Variants in CYP4X1 observed in about 807,000 individuals in gnomAD.
CYP4X1 encodes cytochrome P450 4X1.
CYP4X1 carries 44 observed loss-of-function variants against 57.9 expected under a neutral mutation model. The observed-to-expected ratio is 0.76, with a 90% CI of 0.60 to 0.98. The LOEUF is 0.98. Among genes scored for constraint, CYP4X1 ranks in the 50% least tolerant of loss-of-function variants. The pLI is 0.00. For missense variants in CYP4X1, 532 were observed against 623.9 expected (o/e 0.85, Z 1.57); for synonymous variants, 227 against 228.6 (o/e 0.99, Z 0.06).
chr1:47,055,291 C>T (rs147832692), downstream of CYP4X1, among the ~76,000 whole-genome samples: 3 of 152,144 alleles, frequency 2.0e-5, no homozygotes, highest in African/African-American at 7.2e-5. Flanking sequence ...GGTGGATAAG[C>T]TTTTTGATAT....
the CYP4X1 span, among the ~76,000 whole-genome samples, chr1:46,998,582 T>G: frequency 6.6e-6 from 1 of 152,180 alleles, no homozygotes; most frequent in African/African-American, 2.4e-5. Context: ...ATCTTTAGTT[T>G]TATTAAGTCC....
At chr1:46,981,561 A>G in the CYP4X1 span, among the ~76,000 whole-genome samples, 12 of 152,320 alleles carry the variant, frequency 7.9e-5, no homozygotes, top group Non-Finnish European at 7.4e-5. Context: ...AACCATTGTG[A>G]AAGACAGTGT....
chr1:47,037,355 T>C (rs1313759871), intron 6 of CYP4X1, among the ~76,000 whole-genome samples: 1 of 146,364 alleles, frequency 6.8e-6, no homozygotes, highest in Non-Finnish European at 1.5e-5. Context: ...CACTACAACC[T>C]CCACCTCCCA....
chr1:46,970,326 C>A, the CYP4X1 span, among the ~76,000 whole-genome samples: 13 of 152,296 alleles, frequency 8.5e-5, no homozygotes, highest in African/African-American at 2.9e-4. Flanking sequence ...GGAGAAGGAG[C>A]AATGACTCCA....
chr1:47,020,050 C>G (rs1441300281), upstream of CYP4X1, among the ~76,000 whole-genome samples: 1 of 152,170 alleles, frequency 6.6e-6, no homozygotes. Flanking sequence ...CTGGGCCTAC[C>G]AAGCTCTCAT....
At chr1:46,979,440 A>G in the CYP4X1 span, among the ~76,000 whole-genome samples, 1 of 152,214 alleles carries the variant, frequency 6.6e-6, no homozygotes, top group East Asian at 1.9e-4. Context: ...AAGTTGAATC[A>G]CTGAATAGAC....
chr1:46,986,144 T>G, the CYP4X1 span, among the ~76,000 whole-genome samples: 2 of 152,210 alleles, frequency 1.3e-5, no homozygotes, highest in Non-Finnish European at 2.9e-5. Context: ...GATGAATTGC[T>G]AACTAGAATA....
the CYP4X1 span, among the ~76,000 whole-genome samples, chr1:46,962,619 T>C: frequency 6.6e-6 from 1 of 152,134 alleles, no homozygotes; most frequent in Non-Finnish European, 1.5e-5. Flanking sequence ...TGAGAGATAG[T>C]TTGTTATAAT....
the CYP4X1 span, among the ~76,000 whole-genome samples, chr1:46,981,063 T>C: frequency 6.6e-6 from 1 of 152,134 alleles, no homozygotes; most frequent in African/African-American, 2.4e-5. Flanking sequence ...ATTCAGAACA[T>C]AGGCACGGGT....
At chr1:46,976,825 C>T in the CYP4X1 span, among the ~76,000 whole-genome samples, 3 of 152,182 alleles carry the variant, frequency 2.0e-5, no homozygotes, top group African/African-American at 7.2e-5. Flanking sequence ...GATACCCAGG[C>T]AAACAGTGTT....
chr1:47,003,664 G>A, the CYP4X1 span, among the ~76,000 whole-genome samples: 1 of 151,956 alleles, frequency 6.6e-6, no homozygotes, highest in African/African-American at 2.4e-5. Context: ...GAGTAGGGTG[G>A]GGAGGTGCCA....
At chr1:47,016,886 T>C in the CYP4X1 span, among the ~76,000 whole-genome samples, 1 of 152,218 alleles carries the variant, frequency 6.6e-6, no homozygotes, top group African/African-American at 2.4e-5. Context: ...GTAATTATCC[T>C]TCTATTCTCT....
chr1:47,019,795 A>G (rs966679339), upstream of CYP4X1, among the ~76,000 whole-genome samples: 6 of 152,234 alleles, frequency 3.9e-5, no homozygotes, highest in Admixed American at 3.9e-4. Flanking sequence ...TCTGTGCCTC[A>G]GTTTTCATAC....
chr1:47,015,366 G>C, the CYP4X1 span, among the ~76,000 whole-genome samples: 5 of 152,136 alleles, frequency 3.3e-5, no homozygotes, highest in Non-Finnish European at 5.9e-5. Context: ...TCTTTTAACA[G>C]CTTGCTCGTC....
upstream of CYP4X1, among the ~76,000 whole-genome samples, chr1:47,022,283 C>CTTTTT (rs11352280): frequency 3.9e-5 from 3 of 77,312 alleles, no homozygotes; most frequent in Non-Finnish European, 7.2e-5. Context: ...TGGGGCCTGT[C>CTTTTT]TTTTTTTTTT....
the CYP4X1 span, among the ~76,000 whole-genome samples, chr1:47,016,664 C>T: frequency 6.6e-6 from 1 of 152,140 alleles, no homozygotes; most frequent in African/African-American, 2.4e-5. Context: ...CTATGGGGTA[C>T]ATGAGATGTT....
the CYP4X1 span, among the ~76,000 whole-genome samples, chr1:46,970,543 G>C: frequency 3.3e-5 from 5 of 152,322 alleles, no homozygotes; most frequent in East Asian, 9.6e-4. Context: ...TTGAGTCTAT[G>C]TTAAAGAAAA....
chr1:47,039,498 AGGGGCATCCTG>A lies in CYP4X1; in HGVS notation c.1044_1054del (p.Ile349TrpfsTer11). 1.2e-6 allele frequency: 2 copies of A among 1,612,268 alleles called. No individual in the cohort carries two copies. The highest frequency in any genetic ancestry group is 1.7e-6 in the Non-Finnish European group (2 of 1,179,298). On this transcript the variant is annotated frameshift_variant, in exon 8 of 12. Coordinates refer to ENST00000371901, the MANE Select transcript of CYP4X1 (RefSeq NM_178033.2). LOFTEE classifies it high-confidence loss of function. Reference sequence around the variant, plus strand: ...TCAAGAGAGATGCCGGGAGGAGGTCAGGGGCATCCTGGGGGATGGGTCTTCTATCACTTGGT... The same window carrying A: ...TCAAGAGAGATGCCGGGAGGAGGTCAGGGGATGGGTCTTCTATCACTTGGT...
the CYP4X1 span, among the ~76,000 whole-genome samples, chr1:47,014,992 TTTTTTGG>T: frequency 6.6e-6 from 1 of 152,130 alleles, no homozygotes; most frequent in Non-Finnish European, 1.5e-5. Flanking sequence ...GTCTTTTTTG[TTTTTTGG>T]TTTTTCTTTT....
Sources: gnomAD v4.1 joint callset for allele counts (sites outside exome capture counted in the v4.1 genomes callset) on GRCh38, gnomAD v4.1.1 for gene constraint, MANE v1.5 for transcripts, NCBI Gene and HGNC (gene_info 2026-07-23, HGNC 2026-07-21) for gene names.